BTG4: variants seen among roughly 807,000 people sequenced by gnomAD.
BTG4 encodes the protein BTG anti-proliferation factor 4, also known as protein BTG4.
BTG4 carries 10 observed loss-of-function variants against 19.3 expected under a neutral mutation model. The observed-to-expected ratio is 0.52, with a 90% CI of 0.32 to 0.88. BTG4 has a LOEUF of 0.88. BTG4 is among the 40% of genes least tolerant of loss of function. The pLI is 0.04. For missense variants in BTG4, 238 were observed against 281.9 expected (o/e 0.84, Z 1.11); for synonymous variants, 91 against 95.7 (o/e 0.95, Z 0.29).
the BTG4 span, among the ~76,000 whole-genome samples, chr11:111,430,481 T>C: frequency 2.6e-5 from 4 of 152,332 alleles, no homozygotes; most frequent in African/African-American, 7.2e-5. Flanking sequence ...GAGGGATGAC[T>C]GAATTCTGTC....
At chr11:111,476,075 G>A (rs1864380531) in intron 5 of BTG4, among the ~76,000 whole-genome samples, 1 of 151,670 alleles carries the variant, frequency 6.6e-6, no homozygotes. Context: ...AATTCAAGGT[G>A]AGATTTGGGT....
intron 5 of BTG4, chr11:111,469,676 T>G (rs1565440408): frequency 6.6e-6 from 1 of 152,626 alleles, no homozygotes; most frequent in Admixed American, 6.5e-5. Context: ...CAAGTAAAGA[T>G]GAGAACTCTC....
At chr11:111,427,096 C>T in the BTG4 span, among the ~76,000 whole-genome samples, 9 of 152,276 alleles carry the variant, frequency 5.9e-5, no homozygotes, top group East Asian at 1.7e-3. Flanking sequence ...CTGCCTGCCT[C>T]CATTTTCTAT....
the BTG4 span, among the ~76,000 whole-genome samples, chr11:111,436,281 G>C: frequency 3.3e-5 from 5 of 152,156 alleles, no homozygotes; most frequent in African/African-American, 1.2e-4. Context: ...ACCACCTCCA[G>C]CTTTGTAACT....
At chr11:111,422,437 T>C in the BTG4 span, among the ~76,000 whole-genome samples, 3 of 152,184 alleles carry the variant, frequency 2.0e-5, no homozygotes, top group East Asian at 1.9e-4. Context: ...AAGATGGACA[T>C]TCACAGTGCT....
At chr11:111,494,087 T>C (rs1391321897), downstream of BTG4, among the ~76,000 whole-genome samples, 4 of 151,938 alleles carry the variant, frequency 2.6e-5, no homozygotes, top group Non-Finnish European at 5.9e-5. Context: ...AAAACCAAGA[T>C]GTAGGGAGAA....
intron 5 of BTG4, among the ~76,000 whole-genome samples, chr11:111,485,611 T>C (rs1865013319): frequency 6.6e-6 from 1 of 152,120 alleles, no homozygotes; most frequent in Non-Finnish European, 1.5e-5. Flanking sequence ...CTAGGAGTGC[T>C]AGTTTATAGC....
the BTG4 span, among the ~76,000 whole-genome samples, chr11:111,402,296 T>G: frequency 6.6e-6 from 1 of 152,214 alleles, no homozygotes; most frequent in African/African-American, 2.4e-5. Flanking sequence ...ACATCTTTCC[T>G]TTATAAATTA....
chr11:111,424,018 G>T, the BTG4 span, among the ~76,000 whole-genome samples: 1 of 152,116 alleles, frequency 6.6e-6, no homozygotes, highest in East Asian at 1.9e-4. Flanking sequence ...CACCAGTGGT[G>T]ACAGAAGCCT....
chr11:111,497,545 C>A (rs1865811649), intron 3 of BTG4, 136 bp from the exon 4 acceptor site: 3 of 498,518 alleles, frequency 6.0e-6, no homozygotes, highest in Non-Finnish European at 1.0e-5. Context: ...ATGACCTTCA[C>A]CTACTACACT....
At chr11:111,467,728 A>C (rs774453865) in intron 5 of BTG4, 2 of 739,220 alleles carry the variant, frequency 2.7e-6, no homozygotes, top group South Asian at 1.5e-5. Flanking sequence ...CAAATTTTAT[A>C]ATTTTTTCCT....
At chr11:111,398,454 T>C in the BTG4 span, among the ~76,000 whole-genome samples, 1 of 151,896 alleles carries the variant, frequency 6.6e-6, no homozygotes. Flanking sequence ...TTTGCATTTC[T>C]TTTTTTTGTT....
At chr11:111,386,616 A>T in the BTG4 span, among the ~76,000 whole-genome samples, 1 of 152,222 alleles carries the variant, frequency 6.6e-6, no homozygotes. Flanking sequence ...TCCTTGGAAG[A>T]CAGTTCATAG....
At chr11:111,499,706 T>A (rs891091619) in intron 1 of BTG4, among the ~76,000 whole-genome samples, 7 of 152,192 alleles carry the variant, frequency 4.6e-5, no homozygotes, top group Non-Finnish European at 1.0e-4. Flanking sequence ...CTTTGAGCAG[T>A]CATTATGTTG....
At chr11:111,427,744 G>A in the BTG4 span, among the ~76,000 whole-genome samples, 1 of 152,214 alleles carries the variant, frequency 6.6e-6, no homozygotes. Context: ...CCCAGAAGCT[G>A]CAGCTACCCC....
the BTG4 span, among the ~76,000 whole-genome samples, chr11:111,460,041 A>ACCC: frequency 1.3e-5 from 2 of 151,596 alleles, no homozygotes; most frequent in Non-Finnish European, 2.9e-5. Context: ...CTCACCACCC[A>ACCC]CCCCCACGCC....
At chr11:111,487,186 G>A (rs1565455901) in intron 5 of BTG4, among the ~76,000 whole-genome samples, 1 of 152,164 alleles carries the variant, frequency 6.6e-6, no homozygotes. Context: ...ATTCCATGGT[G>A]CATATGTACC....
chr11:111,410,509 A>G, the BTG4 span, among the ~76,000 whole-genome samples: 1 of 152,166 alleles, frequency 6.6e-6, no homozygotes, highest in African/African-American at 2.4e-5. Flanking sequence ...TTACCTTAAT[A>G]ATTTGTTGAC....
the BTG4 span, among the ~76,000 whole-genome samples, chr11:111,413,920 C>T: frequency 6.6e-6 from 1 of 152,152 alleles, no homozygotes; most frequent in African/African-American, 2.4e-5. Flanking sequence ...TTACAACTGG[C>T]GTAGCTCCAG....
Sources: gnomAD v4.1 joint callset for allele counts (sites outside exome capture counted in the v4.1 genomes callset) on GRCh38, gnomAD v4.1.1 for gene constraint, MANE v1.5 for transcripts, NCBI Gene and HGNC (gene_info 2026-07-23, HGNC 2026-07-21) for gene names.